Variants in EIF2AK2 observed in about 807,000 individuals in gnomAD.
EIF2AK2 encodes the protein eukaryotic translation initiation factor 2 alpha kinase 2, also known as interferon-induced, double-stranded RNA-activated protein kinase.
EIF2AK2 carries 40 observed loss-of-function variants against 70.5 expected under a neutral mutation model. The observed-to-expected ratio is 0.57, with a 90% CI of 0.44 to 0.74. The LOEUF is 0.74. EIF2AK2 is among the 30% of genes least tolerant of loss of function. The probability of loss-of-function intolerance (pLI) is 0.00; values close to 1 mark genes in which losing one functional copy is unlikely to be tolerated. For synonymous variants in EIF2AK2, 198 were observed against 220.9 expected, an observed-to-expected ratio of 0.90 and a Z score of 0.92; for missense variants, 555 against 644.3, an observed-to-expected ratio of 0.86 and a Z score of 1.50.
At position 37,153,120 on chromosome 2, in the gene EIF2AK2, T is replaced by C. The variant is rs543789433; in HGVS notation, c.-184+3788A>G. Reference sequence around the variant, plus strand: ...AATTCCTTCTCTACCCTGCAACCATTGTGATTTTTTTTTTTATGTTTTAAA... The same window carrying C: ...AATTCCTTCTCTACCCTGCAACCATCGTGATTTTTTTTTTTATGTTTTAAA... On this transcript the variant is annotated intron_variant, in intron 1 of 16. Transcript: ENST00000233057. Among the ~76,000 whole-genome samples the C allele has an allele frequency of 4.1e-5, 5 of 120,620 alleles. No individual in the cohort carries two copies. The East Asian group carries it at 1.8e-3, about 43-fold the overall frequency. 79.1% of individuals were successfully genotyped at this position (120,620 alleles called of 152,430 possible).
intron 4 of EIF2AK2, among the ~76,000 whole-genome samples, chr2:37,146,491 C>T (rs1573037933): frequency 2.0e-5 from 3 of 152,324 alleles, no homozygotes; most frequent in African/African-American, 7.2e-5. Flanking sequence ...CCTACAATCA[C>T]TTTCATCTCT....
chr2:37,119,615 A>G (rs992107228), intron 13 of EIF2AK2, among the ~76,000 whole-genome samples: 4 of 150,528 alleles, frequency 2.7e-5, no homozygotes, highest in Non-Finnish European at 5.9e-5. Flanking sequence ...TTTTTTTGAG[A>G]CAAGTCTCAC....
intron 13 of EIF2AK2, among the ~76,000 whole-genome samples, chr2:37,116,096 A>G (rs998514728): frequency 6.6e-6 from 1 of 151,862 alleles, no homozygotes; most frequent in African/African-American, 2.4e-5. Context: ...ACAGATTTTC[A>G]CCATGTTGGC....
At chr2:37,148,161 A>G (rs1274855551) in intron 2 of EIF2AK2, among the ~76,000 whole-genome samples, 1 of 152,144 alleles carries the variant, frequency 6.6e-6, no homozygotes, top group Non-Finnish European at 1.5e-5. Flanking sequence ...CAATTTTGAA[A>G]TTGTTTTAAA....
At chr2:37,119,247 C>T (rs1674449154) in intron 13 of EIF2AK2, among the ~76,000 whole-genome samples, 1 of 152,182 alleles carries the variant, frequency 6.6e-6, no homozygotes, top group Non-Finnish European at 1.5e-5. Context: ...TACACTTTCC[C>T]AGTCCGGGAT....
chr2:37,136,419 C>T lies in EIF2AK2; in HGVS notation c.722+564G>A, dbSNP rs933785644. ...CATCCCTCCTGACTGCCACAGTAAT[C>T]GTGGCTGAGGGCACCTCATGTGCAG... On this transcript the variant is annotated intron_variant, in intron 9 of 16. Coordinates refer to ENST00000233057, the MANE Select transcript of EIF2AK2 (RefSeq NM_001135651.3). Among the ~76,000 whole-genome samples the T allele has an allele frequency of 3.3e-5, 5 of 152,324 alleles. No individual in the cohort carries two copies. The East Asian group carries it at 5.8e-4, about 18-fold the overall frequency.
At position 37,145,742 on chromosome 2, in the gene EIF2AK2, C is replaced by CTTTTTT. The variant is rs56051707; in HGVS notation, c.240+1105_240+1110dup. Among the ~76,000 whole-genome samples, 11 of 51,224 alleles carry CTTTTTT rather than the reference C, an allele frequency of 2.1e-4. 3 individuals are homozygous for CTTTTTT. Among genetic ancestry groups the CTTTTTT allele is most frequent in the African/African-American group, 8.9e-4 (11 of 12,388 alleles). 33.6% of individuals were successfully genotyped at this position (51,224 alleles called of 152,430 possible). A position where few individuals can be genotyped will look rare whatever the true frequency, so the allele number is the denominator to read the frequency against. ...CTTATATGGGTGTACTTTTGCTTGT[C>CTTTTTT]TTTTTTTTTTTTTTTTTTTTTTTTT... is the stretch of plus-strand genomic sequence containing the variant. On this transcript the variant is annotated intron_variant, in intron 4 of 16. Coordinates refer to ENST00000233057, the MANE Select transcript of EIF2AK2 (RefSeq NM_001135651.3).
In EIF2AK2 at chr2:37,120,099, C is replaced by G; in HGVS notation, c.1108G>C (p.Asp370His). The G allele has an allele frequency of 6.7e-7, 1 of 1,484,498 alleles. No homozygotes were observed. The highest frequency in any genetic ancestry group is 9.0e-7 in the Non-Finnish European group (1 of 1,110,868). 92.0% of individuals were successfully genotyped at this position (1,484,498 alleles called of 1,614,324 possible). Residue 370 changes from aspartate to histidine, a missense_variant, in exon 13 of 17, where the codon GAT becomes CAT. By Grantham distance (81) the Asp-to-His change is moderately conservative. Transcript: ENST00000233057. ...KCLFIQMEFCDKGTLEQWIEK... is the reference protein window; with the variant it reads ...KCLFIQMEFCHKGTLEQWIEK... Reference sequence around the variant, plus strand: ...ATCCATTGTTCCAAGGTCCCTTTATCACAGAATTCCATTTGGATGAAAAGG... The same window carrying G: ...ATCCATTGTTCCAAGGTCCCTTTATGACAGAATTCCATTTGGATGAAAAGG...
At position 37,139,685 on chromosome 2, in the gene EIF2AK2, T is replaced by A; in HGVS notation, c.462A>T (p.Lys154Asn). 6.2e-7 allele frequency: 1 copy of A among 1,614,154 alleles called. No homozygotes were observed. The highest frequency in any genetic ancestry group is 8.5e-7 in the Non-Finnish European group (1 of 1,180,024). The change falls in exon 6 of 17, where the codon AAA becomes AAT. Residue 154 changes from lysine to asparagine, a missense_variant. This residue lies in a region of EIF2AK2 where 208 missense variants were observed against 191.8 expected (regional missense o/e 1.08). Coordinates refer to ENST00000233057, the MANE Select transcript of EIF2AK2 (RefSeq NM_001135651.3). ...GATATGCAAGTTTAGCGGCCAATTG[T>A]TTTGCTTCCTGTTTAGTAGAACCTG... Reference protein sequence around the residue: ...IGTGSTKQEAKQLAAKLAYLQ... With the variant: ...IGTGSTKQEANQLAAKLAYLQ...
intron 10 of EIF2AK2, 89 bp from the exon 11 acceptor site, chr2:37,126,500 G>T: frequency 6.6e-7 from 1 of 1,505,916 alleles, no homozygotes; most frequent in African/African-American, 1.4e-5. Context: ...AATGTCACTT[G>T]TGAAATGGAC....
chr2:37,117,085 C>T (rs897960827), intron 13 of EIF2AK2, among the ~76,000 whole-genome samples: 6 of 151,774 alleles, frequency 4.0e-5, no homozygotes, highest in East Asian at 1.9e-4. Flanking sequence ...TCATGGCAGG[C>T]GCCTGTAATC....
At position 37,106,299 on chromosome 2, in the gene EIF2AK2, GTTGTA is replaced by G. The variant is rs1673961760; in HGVS notation, c.*969_*973del. 6.6e-6 allele frequency: 1 copy of G among 152,150 alleles called. No homozygotes were observed. Among genetic ancestry groups the G allele is most frequent in the Admixed American group, 6.5e-5 (1 of 15,268 alleles). The allele number at this position is 152,150 out of a possible 1,614,324, so 9.4% of individuals were successfully genotyped here. ...TTCGCTTAACATTATGTTTCTGAGA[GTTGTA>G]TTGTGTTACGTTATTACATTTAGCT... On this transcript the variant is annotated 3_prime_UTR_variant, in exon 17 of 17. Coordinates refer to ENST00000233057, the MANE Select transcript of EIF2AK2 (RefSeq NM_001135651.3).
chr2:37,122,422 A>C lies in EIF2AK2; in HGVS notation c.1067+84T>G, dbSNP rs4648214. On this transcript the variant is annotated intron_variant, in intron 12 of 16. Transcript: ENST00000233057. ...ATTGTGATAATTAATCGTGATGATT[A>C]ATAGCCTTATCCAGTGGCCCATACA... 3.3e-3 allele frequency: 4,524 copies of C among 1,379,104 alleles called. 9 individuals carry two copies. The highest frequency in any genetic ancestry group is 4.0e-3 in the Non-Finnish European group (4,008 of 1,007,064). The allele number at this position is 1,379,104 out of a possible 1,614,324, so 85.4% of individuals were successfully genotyped here. A position where few individuals can be genotyped will look rare whatever the true frequency, so the allele number is the denominator to read the frequency against.
At chr2:37,117,607 G>A (rs1428484514) in intron 13 of EIF2AK2, among the ~76,000 whole-genome samples, 2 of 152,138 alleles carry the variant, frequency 1.3e-5, no homozygotes, top group Admixed American at 1.3e-4. Context: ...ACAAAATATA[G>A]GGCTGTAGAT....
chr2:37,125,059 C>A (rs1033837270), intron 11 of EIF2AK2, among the ~76,000 whole-genome samples: 1 of 151,948 alleles, frequency 6.6e-6, no homozygotes, highest in African/African-American at 2.4e-5. Context: ...GTTGCCCAGG[C>A]TGGAGTGCAA....
At chr2:37,118,270 T>C (rs1674415998) in intron 13 of EIF2AK2, among the ~76,000 whole-genome samples, 1 of 152,060 alleles carries the variant, frequency 6.6e-6, no homozygotes, top group Non-Finnish European at 1.5e-5. Flanking sequence ...GCCGTGATTG[T>C]GCCACTGCAC....
intron 12 of EIF2AK2, among the ~76,000 whole-genome samples, chr2:37,121,248 G>A (rs1290619752): frequency 8.8e-6 from 1 of 114,072 alleles, no homozygotes; most frequent in Non-Finnish European, 1.7e-5. Context: ...GTGCGACAGT[G>A]CGAGACACCG....
At chr2:37,150,221 A>T (rs1394305899) in intron 1 of EIF2AK2, among the ~76,000 whole-genome samples, 1 of 152,146 alleles carries the variant, frequency 6.6e-6, no homozygotes, top group African/African-American at 2.4e-5. Context: ...TGAAAGCACA[A>T]GCAATAAAAG....
chr2:37,126,202 C>G, intron 11 of EIF2AK2, 87 bp downstream of exon 11: 1 of 1,440,598 alleles, frequency 6.9e-7, no homozygotes, highest in Non-Finnish European at 9.2e-7. Context: ...AAATGATACC[C>G]TAATAAAGAA....
Sources: allele counts gnomAD v4.1 joint callset (sites outside exome capture counted in the v4.1 genomes callset), GRCh38; gene constraint gnomAD v4.1.1; regional missense constraint gnomAD v4.1.1; transcripts MANE v1.5; gene names NCBI Gene and HGNC (gene_info 2026-07-23, HGNC 2026-07-21).